Variants in C2CD5 observed in about 807,000 individuals in gnomAD.
The protein encoded by C2CD5 is C2 calcium dependent domain containing 5, also known as C2 domain-containing protein 5.
In C2CD5, 109 loss-of-function variants were observed where a neutral mutation model predicts 130.3. The ratio of observed to expected loss-of-function variants is 0.84; its 90% CI spans 0.72 to 0.98. The LOEUF (loss-of-function observed/expected upper bound fraction) is 0.98. C2CD5 is among the 50% of genes least tolerant of loss of function. The pLI is 0.00. For missense variants in C2CD5, 996 were observed against 1,261.8 expected (o/e 0.79, Z 3.19); for synonymous variants, 454 against 429.2 (o/e 1.06, Z -0.71).
chr12:22,468,024 CTACAGAA>C lies in C2CD5; in HGVS notation c.2533+1678_2533+1684del, dbSNP rs1470341836. 3.3e-5 allele frequency among the ~76,000 whole-genome samples: 5 copies of C among 150,654 alleles called. No individual in the cohort carries two copies. In the East Asian group the frequency reaches 9.7e-4, roughly 29 times the overall value. On this transcript the variant is annotated intron_variant, in intron 22 of 26. Coordinates refer to ENST00000446597, the MANE Select transcript of C2CD5 (RefSeq NM_001286176.2). ...ACCCCAAGTCCACAAATACCTTTTC[CTACAGAA>C]TAACAATCAATCAAACCTTTGTCGA...
chr12:22,528,319 A>G (rs1565798679), intron 3 of C2CD5, among the ~76,000 whole-genome samples: 1 of 152,194 alleles, frequency 6.6e-6, no homozygotes, highest in Non-Finnish European at 1.5e-5. Flanking sequence ...ACAGAACCAT[A>G]AGCAAAATTA....
In C2CD5 at chr12:22,514,102, C is replaced by T. The variant is rs373520948; in HGVS notation, c.953-723G>A. 3.2e-4 allele frequency among the ~76,000 whole-genome samples: 49 copies of T among 152,174 alleles called. 4 individuals are homozygous for T. The South Asian group carries it at 9.9e-3, about 31-fold the overall frequency. ...GCTTAATTTTAAATTTCTTTCCCTA[C>T]CTTATTTTATTGTTCTGACCATGCC... On this transcript the variant is annotated intron_variant, in intron 8 of 26. Transcript: ENST00000446597.
intron 10 of C2CD5, among the ~76,000 whole-genome samples, chr12:22,502,053 AAATT>A (rs1373993642): frequency 2.6e-5 from 4 of 152,220 alleles, no homozygotes; most frequent in East Asian, 3.9e-4. Flanking sequence ...TCAAAAAAAA[AAATT>A]AATTACTTTT....
intron 20 of C2CD5, 69 bp downstream of exon 20, chr12:22,471,330 T>C (rs1020494217): frequency 2.3e-6 from 2 of 879,034 alleles, no homozygotes; most frequent in South Asian, 1.6e-5. Flanking sequence ...GGCAAAATTA[T>C]GATAAACAGA....
At chr12:22,525,734 C>A in intron 4 of C2CD5, 29 bp from the exon 5 acceptor site, 1 of 1,039,074 alleles carries the variant, frequency 9.6e-7, no homozygotes, top group Non-Finnish European at 1.5e-6. Context: ...AATCAAGTTT[C>A]TACCTTAAGA....
At chr12:22,483,474 G>C (rs1327060944) in intron 13 of C2CD5, among the ~76,000 whole-genome samples, 1 of 152,074 alleles carries the variant, frequency 6.6e-6, no homozygotes, top group Non-Finnish European at 1.5e-5. Context: ...AGTGGTGAAA[G>C]AGTACTTCAA....
chr12:22,510,169 C>T (rs768190210), intron 9 of C2CD5, among the ~76,000 whole-genome samples: 5 of 152,024 alleles, frequency 3.3e-5, no homozygotes, highest in Non-Finnish European at 7.4e-5. Flanking sequence ...CATGCCATTG[C>T]CCTCCACCCT....
chr12:22,495,561 GAAC>G (rs1217945923), intron 10 of C2CD5, among the ~76,000 whole-genome samples: 1 of 145,282 alleles, frequency 6.9e-6, no homozygotes, highest in East Asian at 2.0e-4. Flanking sequence ...AAAAACAAAC[GAAC>G]AAAAAAAAAA....
At chr12:22,461,695 A>G (rs1048705829) in intron 22 of C2CD5, among the ~76,000 whole-genome samples, 1 of 152,162 alleles carries the variant, frequency 6.6e-6, no homozygotes, top group African/African-American at 2.4e-5. Context: ...CAAATTTTTC[A>G]CGATATACAT....
chr12:22,531,694 T>G (rs1264513701), intron 3 of C2CD5, among the ~76,000 whole-genome samples: 5 of 152,232 alleles, frequency 3.3e-5, no homozygotes. Context: ...TAACTGTTTC[T>G]ATAACTGAGT....
At chr12:22,464,084 C>T (rs1941666145) in intron 22 of C2CD5, among the ~76,000 whole-genome samples, 1 of 152,098 alleles carries the variant, frequency 6.6e-6, no homozygotes, top group South Asian at 2.1e-4. Flanking sequence ...TATAACGATA[C>T]TCAAATATTG....
At chr12:22,484,596 C>A in intron 13 of C2CD5, 101 bp downstream of exon 13, 1 of 542,840 alleles carries the variant, frequency 1.8e-6, no homozygotes, top group Non-Finnish European at 3.1e-6. Flanking sequence ...TGTGCAGGAT[C>A]AAACAGGTAG....
intron 7 of C2CD5, among the ~76,000 whole-genome samples, chr12:22,522,278 T>C (rs1950340041): frequency 6.6e-6 from 1 of 152,160 alleles, no homozygotes; most frequent in Admixed American, 6.6e-5. Flanking sequence ...AAGTCTTCAT[T>C]GTATAGGGTT....
At chr12:22,520,039 T>TG (rs1950130684) in intron 7 of C2CD5, among the ~76,000 whole-genome samples, 1 of 152,158 alleles carries the variant, frequency 6.6e-6, no homozygotes, top group African/African-American at 2.4e-5. Flanking sequence ...TTAGAGCAGT[T>TG]ATACAAGTAT....
intron 7 of C2CD5, chr12:22,519,184 T>A (rs768161587): frequency 1.3e-6 from 2 of 1,535,638 alleles, no homozygotes; most frequent in Non-Finnish European, 1.7e-6. Flanking sequence ...GCAGTGTGAA[T>A]TGGGCTGTTG....
intron 9 of C2CD5, among the ~76,000 whole-genome samples, chr12:22,509,249 T>G (rs1230703765): frequency 6.6e-6 from 1 of 152,234 alleles, no homozygotes; most frequent in East Asian, 1.9e-4. Context: ...AAGATAGTAC[T>G]TCCTTTTTCC....
intron 10 of C2CD5, among the ~76,000 whole-genome samples, chr12:22,497,872 T>G (rs1240499564): frequency 6.6e-6 from 1 of 150,626 alleles, no homozygotes; most frequent in Admixed American, 6.7e-5. Flanking sequence ...ACTCCATAAT[T>G]GTGAAATTTC....
intron 12 of C2CD5, 146 bp downstream of exon 12, chr12:22,489,977 A>C: frequency 1.8e-6 from 1 of 561,982 alleles, no homozygotes; most frequent in South Asian, 2.6e-5. Context: ...CGGGTTAGTT[A>C]AAAATTAGTG....
chr12:22,457,273 C>T (rs1271190416), intron 24 of C2CD5, 112 bp from the exon 25 acceptor site: 1 of 625,940 alleles, frequency 1.6e-6, no homozygotes, highest in African/African-American at 1.9e-5. Flanking sequence ...GAGGCTAAGC[C>T]ATGTCATGAA....
Sources: allele counts gnomAD v4.1 joint callset (sites outside exome capture counted in the v4.1 genomes callset), GRCh38; gene constraint gnomAD v4.1.1; transcripts MANE v1.5; gene names NCBI Gene and HGNC (gene_info 2026-07-23, HGNC 2026-07-21).